FSTL5: variants seen among roughly 807,000 people sequenced by gnomAD.
FSTL5 encodes the protein follistatin like 5.
In FSTL5, 62 loss-of-function variants were observed where a neutral mutation model predicts 89.1. The ratio of observed to expected loss-of-function variants is 0.70; its 90% confidence interval spans 0.57 to 0.86. The LOEUF is 0.86. FSTL5 is among the 40% of genes least tolerant of loss of function. The pLI is 0.00. For synonymous variants in FSTL5, 383 were observed against 346.2 expected, an observed-to-expected ratio of 1.11 and a Z score of -1.18; for missense variants, 1,057 against 1,001.6, an observed-to-expected ratio of 1.06 and a Z score of -0.75.
chr4:161,593,170 A>G (rs1733890101), intron 7 of FSTL5, among the ~76,000 whole-genome samples: 1 of 152,036 alleles, frequency 6.6e-6, no homozygotes, highest in African/African-American at 2.4e-5. Flanking sequence ...TCTTCACTTC[A>G]TTTTTGTAAA....
chr4:161,862,457 G>A (rs1409165261), intron 4 of FSTL5, among the ~76,000 whole-genome samples: 7 of 152,130 alleles, frequency 4.6e-5, no homozygotes, highest in African/African-American at 7.2e-5. Flanking sequence ...AATGAAGGCC[G>A]TGTGCGGTAT....
intron 4 of FSTL5, among the ~76,000 whole-genome samples, chr4:161,802,607 G>C (rs959987992): frequency 1.3e-5 from 2 of 151,536 alleles, no homozygotes; most frequent in African/African-American, 4.8e-5. Context: ...TACCTAGGAT[G>C]CTCTTCTGCA....
At chr4:161,993,304 T>C (rs565782283) in intron 3 of FSTL5, among the ~76,000 whole-genome samples, 89 of 151,990 alleles carry the variant, frequency 5.9e-4, no homozygotes, top group Admixed American at 2.4e-3. Flanking sequence ...TGTAACTGAA[T>C]AATGACAAGA....
At chr4:161,560,698 T>C (rs1732564864) in intron 8 of FSTL5, among the ~76,000 whole-genome samples, 1 of 151,880 alleles carries the variant, frequency 6.6e-6, no homozygotes, top group Non-Finnish European at 1.5e-5. Flanking sequence ...GTCCTGTCTT[T>C]ATCTATATCA....
At chr4:161,532,679 T>C (rs1308167237) in intron 10 of FSTL5, among the ~76,000 whole-genome samples, 1 of 152,124 alleles carries the variant, frequency 6.6e-6, no homozygotes, top group Non-Finnish European at 1.5e-5. Flanking sequence ...ATTAGAAATA[T>C]CTTTGCAGCA....
At chr4:161,644,030 C>T (rs1736054619) in intron 7 of FSTL5, among the ~76,000 whole-genome samples, 2 of 151,664 alleles carry the variant, frequency 1.3e-5, no homozygotes, top group African/African-American at 4.8e-5. Context: ...AGTTTGTAGT[C>T]CAGAGAAGAA....
intron 4 of FSTL5, among the ~76,000 whole-genome samples, chr4:161,804,457 C>T (rs1472394466): frequency 6.6e-6 from 1 of 151,838 alleles, no homozygotes; most frequent in African/African-American, 2.4e-5. Flanking sequence ...CAGTTAAACA[C>T]TGATGTTCCT....
At chr4:162,126,867 C>T (rs555186391) in intron 1 of FSTL5, among the ~76,000 whole-genome samples, 7 of 152,160 alleles carry the variant, frequency 4.6e-5, no homozygotes, top group African/African-American at 1.7e-4. Flanking sequence ...ACAGATGGTA[C>T]GTGTTTGTCT....
chr4:161,864,841 C>T (rs1477140672), intron 4 of FSTL5, among the ~76,000 whole-genome samples: 2 of 131,392 alleles, frequency 1.5e-5, no homozygotes, highest in Non-Finnish European at 3.1e-5. Flanking sequence ...CACTGCACTC[C>T]GGGCTGACGA....
intron 6 of FSTL5, among the ~76,000 whole-genome samples, chr4:161,745,666 TA>T (rs983076655): frequency 1.6e-3 from 233 of 144,930 alleles, no homozygotes; most frequent in East Asian, 2.0e-3. Context: ...AAACTATAAG[TA>T]AAAAAAAAAA....
chr4:161,978,466 A>G (rs1735726196), intron 3 of FSTL5, among the ~76,000 whole-genome samples: 1 of 152,146 alleles, frequency 6.6e-6, no homozygotes, highest in Admixed American at 6.5e-5. Context: ...TACGTCACTC[A>G]TGCTGTTTTA....
chr4:161,905,484 T>G (rs570272847), intron 4 of FSTL5, among the ~76,000 whole-genome samples: 1 of 152,242 alleles, frequency 6.6e-6, no homozygotes, highest in Admixed American at 6.5e-5. Flanking sequence ...TGGAAAACGA[T>G]TATGACCAGA....
chr4:162,025,170 T>C (rs1737233545), intron 3 of FSTL5, among the ~76,000 whole-genome samples: 1 of 152,140 alleles, frequency 6.6e-6, no homozygotes, highest in Admixed American at 6.6e-5. Context: ...AACTAGAGGA[T>C]ACTTAATATT....
At chr4:161,947,380 ATGTTT>A (rs1467222193) in intron 3 of FSTL5, among the ~76,000 whole-genome samples, 2 of 152,090 alleles carry the variant, frequency 1.3e-5, no homozygotes, top group African/African-American at 2.4e-5. Flanking sequence ...TCTACACTTT[ATGTTT>A]TAAGACTATG....
At chr4:161,589,465 G>T (rs1318244546) in intron 7 of FSTL5, among the ~76,000 whole-genome samples, 1 of 152,102 alleles carries the variant, frequency 6.6e-6, no homozygotes, top group African/African-American at 2.4e-5. Context: ...TTACAGGCAT[G>T]AGCCACTACG....
At chr4:161,819,673 C>T (rs992924806) in intron 4 of FSTL5, among the ~76,000 whole-genome samples, 10 of 151,760 alleles carry the variant, frequency 6.6e-5, no homozygotes, top group African/African-American at 1.9e-4. Context: ...AAAAAAAATC[C>T]ACCTCAAAAT....
At chr4:161,898,939 A>T (rs1409723846) in intron 4 of FSTL5, among the ~76,000 whole-genome samples, 1 of 151,762 alleles carries the variant, frequency 6.6e-6, no homozygotes, top group Non-Finnish European at 1.5e-5. Context: ...TGGCATCTGG[A>T]TGTATTCTTT....
intron 4 of FSTL5, among the ~76,000 whole-genome samples, chr4:161,787,143 G>C (rs1392638921): frequency 6.6e-6 from 1 of 152,070 alleles, no homozygotes; most frequent in East Asian, 1.9e-4. Flanking sequence ...TTCTAATGTT[G>C]ATATTCAATA....
chr4:161,710,063 G>A (rs1319303464), intron 6 of FSTL5, among the ~76,000 whole-genome samples: 1 of 151,910 alleles, frequency 6.6e-6, no homozygotes, highest in Non-Finnish European at 1.5e-5. Flanking sequence ...TTACTTCCTG[G>A]GGTCAAGCAA....
Sources: allele counts gnomAD v4.1 joint callset (sites outside exome capture counted in the v4.1 genomes callset), GRCh38; gene constraint gnomAD v4.1.1; transcripts MANE v1.5; gene names NCBI Gene and HGNC (gene_info 2026-07-23, HGNC 2026-07-21).